TRAT1: variants seen among roughly 807,000 people sequenced by gnomAD.
TRAT1 encodes the protein T cell receptor associated transmembrane adaptor 1.
TRAT1 carries 20 observed loss-of-function variants against 20.0 expected under a neutral mutation model. The observed-to-expected ratio is 1.00, with a 90% CI of 0.70 to 1.45. The LOEUF (loss-of-function observed/expected upper bound fraction) is 1.45. Ranked by LOEUF, TRAT1 falls within the 40% of genes most tolerant of loss-of-function variation. The pLI is 0.00. For missense variants in TRAT1, 237 were observed against 224.1 expected, an observed-to-expected ratio of 1.06 and a Z score of -0.37; for synonymous variants, 77 against 74.2, an observed-to-expected ratio of 1.04 and a Z score of -0.20.
At chr3:108,853,393 A>T (rs76222873) in intron 5 of TRAT1, among the ~76,000 whole-genome samples, 2,003 of 152,294 alleles carry the variant, frequency 0.013, 39 homozygotes, top group African/African-American at 0.041. Flanking sequence ...AAGAAATAAA[A>T]ATCTAGGAAA....
At chr3:108,823,908 T>A (rs1234238603) in intron 1 of TRAT1, among the ~76,000 whole-genome samples, 1 of 152,142 alleles carries the variant, frequency 6.6e-6, no homozygotes, top group Non-Finnish European at 1.5e-5. Context: ...AGTCTCTCTT[T>A]GTTGCCAGGC....
chr3:108,841,798 A>T (rs1945898952), intron 3 of TRAT1, among the ~76,000 whole-genome samples: 1 of 152,162 alleles, frequency 6.6e-6, no homozygotes, highest in Admixed American at 6.5e-5. Context: ...TTCTTGGGTC[A>T]CTTTATTTCT....
intron 5 of TRAT1, 75 bp from the exon 6 acceptor site, chr3:108,853,545 A>C: frequency 6.6e-7 from 1 of 1,526,148 alleles, no homozygotes; most frequent in Non-Finnish European, 8.8e-7. Flanking sequence ...CTTGGTTTTC[A>C]TACGCCACAG....
At chr3:108,843,164 C>T (rs1371030435) in intron 3 of TRAT1, among the ~76,000 whole-genome samples, 1 of 152,134 alleles carries the variant, frequency 6.6e-6, no homozygotes, top group Non-Finnish European at 1.5e-5. Context: ...TTTTCTGTCC[C>T]CTTTGTATCA....
intron 1 of TRAT1, among the ~76,000 whole-genome samples, chr3:108,830,169 G>A (rs1945779950): frequency 1.3e-5 from 2 of 152,188 alleles, no homozygotes; most frequent in Middle Eastern, 3.4e-3. Flanking sequence ...AGCTCCCTGT[G>A]GCCAATCTTA....
At position 108,823,058 on chromosome 3, in the gene TRAT1, T is replaced by G. The variant is rs1229595651; in HGVS notation, c.7+124T>G. 9.6e-6 allele frequency: 8 copies of G among 830,560 alleles called. No homozygotes were observed. In the South Asian group the frequency reaches 1.5e-4, roughly 15 times the overall value. The allele number at this position is 830,560 out of a possible 1,614,324, so 51.4% of individuals were successfully genotyped here. ...TATTTTAAAAATGTTGGATAACTTT[T>G]AGTGTAATTAAAATATATTTTGAAA... On this transcript the variant is annotated intron_variant, in intron 1 of 5. Transcript: ENST00000295756.
chr3:108,846,789 G>T lies in TRAT1; in HGVS notation c.153-279G>T, dbSNP rs79396887. On this transcript the variant is annotated intron_variant, in intron 3 of 5. Coordinates refer to ENST00000295756, the MANE Select transcript of TRAT1 (RefSeq NM_016388.4). ...AAACATAGGAAATATACTCGATGTAGCGCCTAATATACAGTTACTATTGAA... is the reference window on the plus strand; with the variant it reads ...AAACATAGGAAATATACTCGATGTATCGCCTAATATACAGTTACTATTGAA... Among the ~76,000 whole-genome samples the T allele has an allele frequency of 3.6e-3, 544 of 152,280 alleles. 2 individuals are homozygous for T. The highest frequency in any genetic ancestry group is 6.2e-3 in the Non-Finnish European group (421 of 68,010).
rs1403010312 is a variant in TRAT1, at chr3:108,830,761, T to C, written c.99T>C (p.Tyr33=). Residue 33 remains tyrosine (Y), a synonymous_variant, in exon 2 of 6, where the codon TAT becomes TAC. Coordinates refer to ENST00000295756, the MANE Select transcript of TRAT1 (RefSeq NM_016388.4). ...CACTGATCTTCAATATTTCCCACTA[T>C]GTGGAAAAGCAACGACAAGGTAAGA... ...VISLIFNISH[Y]VEKQRQDKMY... The C allele has an allele frequency of 6.2e-7, 1 of 1,612,126 alleles. No homozygotes were observed. The highest frequency in any genetic ancestry group is 1.1e-5 in the South Asian group (1 of 91,038).
At chr3:108,843,824 T>C (rs1945916615) in intron 3 of TRAT1, among the ~76,000 whole-genome samples, 1 of 152,208 alleles carries the variant, frequency 6.6e-6, no homozygotes, top group Admixed American at 6.5e-5. Flanking sequence ...CACTCTCTAC[T>C]TGAAACACTT....
chr3:108,829,521 T>G (rs1945771152), intron 1 of TRAT1, among the ~76,000 whole-genome samples: 1 of 149,904 alleles, frequency 6.7e-6, no homozygotes, highest in Non-Finnish European at 1.5e-5. Context: ...GAGGTGGAGG[T>G]TGTAGTGAGC....
chr3:108,839,017 G>C, intron 3 of TRAT1, 50 bp downstream of exon 3: 1 of 1,364,698 alleles, frequency 7.3e-7, no homozygotes. Context: ...ATAAGCAAAA[G>C]TAACAATGCT....
chr3:108,847,739 C>A (rs1945960281), intron 4 of TRAT1, among the ~76,000 whole-genome samples: 1 of 152,122 alleles, frequency 6.6e-6, no homozygotes, highest in Non-Finnish European at 1.5e-5. Context: ...AAACAGATAA[C>A]CTTGGTCTGA....
At chr3:108,849,064 C>T in intron 4 of TRAT1, 102 bp from the exon 5 acceptor site, 2 of 973,242 alleles carry the variant, frequency 2.1e-6, no homozygotes, top group South Asian at 1.6e-5. Context: ...AATTCTTGGG[C>T]AGTTTATATT....
At chr3:108,827,042 G>A (rs562577232) in intron 1 of TRAT1, among the ~76,000 whole-genome samples, 21 of 152,118 alleles carry the variant, frequency 1.4e-4, no homozygotes, top group South Asian at 4.1e-4. Flanking sequence ...ATTAGCCCCT[G>A]GTAGTTGGAA....
At chr3:108,850,485 A>C (rs1189429098) in intron 5 of TRAT1, among the ~76,000 whole-genome samples, 3 of 152,020 alleles carry the variant, frequency 2.0e-5, no homozygotes, top group Non-Finnish European at 4.4e-5. Context: ...TTGTATTTTT[A>C]GTAGAGACGG....
At chr3:108,829,070 A>G (rs2107506654) in intron 1 of TRAT1, among the ~76,000 whole-genome samples, 1 of 152,312 alleles carries the variant, frequency 6.6e-6, no homozygotes, top group South Asian at 2.1e-4. Context: ...TGCAATAATT[A>G]TAGCTTGGAC....
chr3:108,847,349 A>G (rs775208275), intron 4 of TRAT1: 1 of 415,852 alleles, frequency 2.4e-6, no homozygotes, highest in Non-Finnish European at 4.3e-6. Context: ...GTTTTTCTAT[A>G]TTCTCTTCAT....
At chr3:108,833,973 T>A (rs1247737128) in intron 2 of TRAT1, among the ~76,000 whole-genome samples, 2 of 152,200 alleles carry the variant, frequency 1.3e-5, no homozygotes, top group African/African-American at 2.4e-5. Flanking sequence ...TCATCCCATG[T>A]AATTTTCACA....
intron 5 of TRAT1, among the ~76,000 whole-genome samples, chr3:108,850,010 C>T (rs1229137104): frequency 6.6e-6 from 1 of 152,190 alleles, no homozygotes; most frequent in Non-Finnish European, 1.5e-5. Context: ...GTAATAGAGC[C>T]AGCATTTCCT....
Sources: allele counts gnomAD v4.1 joint callset (sites outside exome capture counted in the v4.1 genomes callset), GRCh38; gene constraint gnomAD v4.1.1; transcripts MANE v1.5; gene names NCBI Gene and HGNC (gene_info 2026-07-23, HGNC 2026-07-21).